The following CDH4 variants were observed in gnomAD, a reference collection of about 807,000 sequenced individuals.
CDH4 encodes the protein cadherin 4.
Under a neutral mutation model 86.0 loss-of-function variants are expected in CDH4, and 33 were observed. That is an observed-to-expected ratio of 0.38 (90% CI 0.29 to 0.51). The LOEUF is 0.51. Among genes scored for constraint, CDH4 ranks in the 20% least tolerant of loss-of-function variants. The pLI is 0.86. For missense variants in CDH4, 1,114 were observed against 1,307.4 expected, an observed-to-expected ratio of 0.85 and a Z score of 2.28; for synonymous variants, 555 against 549.4, an observed-to-expected ratio of 1.01 and a Z score of -0.14.
chr20:61,433,366 A>T (rs2085259613), intron 2 of CDH4, among the ~76,000 whole-genome samples: 1 of 151,556 alleles, frequency 6.6e-6, no homozygotes, highest in Non-Finnish European at 1.5e-5. Flanking sequence ...TGTCGACACC[A>T]CCCTGTCTTG....
chr20:61,740,244 G>A (rs1600934401), intron 2 of CDH4, among the ~76,000 whole-genome samples: 1 of 152,156 alleles, frequency 6.6e-6, no homozygotes, highest in East Asian at 1.9e-4. Flanking sequence ...CAATTCACAA[G>A]GAAAGACAAA....
chr20:61,685,883 A>T (rs967140870), intron 2 of CDH4, among the ~76,000 whole-genome samples: 5 of 152,178 alleles, frequency 3.3e-5, no homozygotes, highest in African/African-American at 1.2e-4. Context: ...TGGGATCCCC[A>T]CTGGGTGGTA....
At chr20:61,277,837 T>A (rs1568778591) in intron 2 of CDH4, among the ~76,000 whole-genome samples, 1 of 152,198 alleles carries the variant, frequency 6.6e-6, no homozygotes, top group Non-Finnish European at 1.5e-5. Flanking sequence ...CGCTTTCCTG[T>A]GCTTTCTGTG....
intron 2 of CDH4, chr20:61,719,109 C>T: frequency 2.1e-6 from 1 of 471,154 alleles, no homozygotes; most frequent in South Asian, 1.5e-5. Flanking sequence ...GTATCCCAGC[C>T]TCTTCATGTC....
At chr20:61,656,295 GGGTGGGTA>G (rs1568737307) in intron 2 of CDH4, among the ~76,000 whole-genome samples, 2 of 114,578 alleles carry the variant, frequency 1.7e-5, no homozygotes, top group African/African-American at 7.6e-5. Flanking sequence ...GCGCGTGCTG[GGGTGGGTA>G]GGCACGTGCT....
intron 2 of CDH4, among the ~76,000 whole-genome samples, chr20:61,454,058 A>T (rs182618858): frequency 6.6e-6 from 1 of 152,280 alleles, no homozygotes; most frequent in African/African-American, 2.4e-5. Context: ...TCTTTTATAA[A>T]TTACCCAGTT....
At chr20:61,734,949 G>C (rs6121792) in intron 2 of CDH4, among the ~76,000 whole-genome samples, 43,541 of 152,066 alleles carry the variant, frequency 0.29, 6,409 homozygotes, top group East Asian at 0.45. Context: ...ATCTCCCTGC[G>C]CTGGGTGGGC....
At chr20:61,651,617 C>T (rs766070751) in intron 2 of CDH4, among the ~76,000 whole-genome samples, 3 of 152,190 alleles carry the variant, frequency 2.0e-5, no homozygotes, top group Non-Finnish European at 2.9e-5. Flanking sequence ...CTCAGGCAGG[C>T]GGCCCCACCT....
At chr20:61,595,274 C>T (rs142212281) in intron 2 of CDH4, among the ~76,000 whole-genome samples, 61 of 152,344 alleles carry the variant, frequency 4.0e-4, no homozygotes, top group Non-Finnish European at 6.5e-4. Context: ...GACCTGTGGG[C>T]GGGAAGGACG....
intron 2 of CDH4, among the ~76,000 whole-genome samples, chr20:61,632,546 C>T (rs948974086): frequency 1.1e-4 from 16 of 152,228 alleles, no homozygotes; most frequent in African/African-American, 2.9e-4. Flanking sequence ...CGGCTTCCCC[C>T]TCCCGGGCTG....
At chr20:61,572,229 T>C (rs1039583463) in intron 2 of CDH4, among the ~76,000 whole-genome samples, 1 of 152,218 alleles carries the variant, frequency 6.6e-6, no homozygotes, top group African/African-American at 2.4e-5. Context: ...AAAATGGATT[T>C]TCCTGTTTCC....
At position 61,936,919 on chromosome 20, in the gene CDH4, G is replaced by A; in HGVS notation, c.2727G>A (p.Met909Ile). 2 of 1,590,556 alleles carry A rather than the reference G, an allele frequency of 1.3e-6. No individual in the cohort carries two copies. Among genetic ancestry groups the A allele is most frequent in the Non-Finnish European group, 1.7e-6 (2 of 1,168,790 alleles). ...CCAGATTCAAGAAGCTGGCGGACAT[G>A]TATGGAGGTGGTGAAGAGGATTGAC... ...WGPRFKKLADMYGGGEED is the reference protein window; with the variant it reads ...WGPRFKKLADIYGGGEED Residue 909 changes from methionine to isoleucine, a missense_variant, in exon 16 of 16, where the codon ATG becomes ATA. Physicochemically the swap from Met to Ile is conservative, Grantham distance 10. Coordinates refer to ENST00000614565, the MANE Select transcript of CDH4 (RefSeq NM_001794.5).
chr20:61,545,400 T>C (rs1352736204), intron 2 of CDH4, among the ~76,000 whole-genome samples: 3 of 152,202 alleles, frequency 2.0e-5, no homozygotes, highest in Admixed American at 2.0e-4. Context: ...AAGGATGCTT[T>C]TCCTTCAGGT....
At chr20:61,880,599 C>T (rs900647088) in intron 7 of CDH4, among the ~76,000 whole-genome samples, 1 of 152,182 alleles carries the variant, frequency 6.6e-6, no homozygotes, top group Non-Finnish European at 1.5e-5. Context: ...AGTCCCATGG[C>T]GTCCCCCAAG....
chr20:61,683,201 T>G (rs2087536266), intron 2 of CDH4, among the ~76,000 whole-genome samples: 1 of 152,146 alleles, frequency 6.6e-6, no homozygotes, highest in Non-Finnish European at 1.5e-5. Context: ...GCAGCTGTAC[T>G]CTCCACGTCT....
chr20:61,394,932 C>T (rs781004519), intron 2 of CDH4, among the ~76,000 whole-genome samples: 3 of 142,148 alleles, frequency 2.1e-5, no homozygotes, highest in Non-Finnish European at 4.6e-5. Flanking sequence ...ATTCTGAGGC[C>T]CCAAGGTCCA....
At chr20:61,923,105 G>A (rs979382379) in intron 9 of CDH4, among the ~76,000 whole-genome samples, 3 of 152,226 alleles carry the variant, frequency 2.0e-5, no homozygotes, top group Non-Finnish European at 4.4e-5. Context: ...AGGCTCAAAG[G>A]AGGAAGGTAG....
intron 2 of CDH4, among the ~76,000 whole-genome samples, chr20:61,273,323 T>C (rs1600822622): frequency 8.1e-6 from 1 of 123,440 alleles, no homozygotes; most frequent in Non-Finnish European, 1.6e-5. Context: ...GAATACCATG[T>C]GCAGTTTGGG....
intron 2 of CDH4, among the ~76,000 whole-genome samples, chr20:61,715,582 T>C (rs141819195): frequency 6.6e-6 from 1 of 152,350 alleles, no homozygotes; most frequent in South Asian, 2.1e-4. Context: ...AATCCATTCA[T>C]GTGGGTAGAA....
Sources: allele counts gnomAD v4.1 joint callset (sites outside exome capture counted in the v4.1 genomes callset), GRCh38; gene constraint gnomAD v4.1.1; transcripts MANE v1.5; gene names NCBI Gene and HGNC (gene_info 2026-07-23, HGNC 2026-07-21).